Variants in MAP4K4 observed in about 807,000 individuals in gnomAD.
MAP4K4 encodes HPK/GCK-like kinase HGK.
MAP4K4 carries 38 observed loss-of-function variants against 189.6 expected under a neutral mutation model. The ratio of observed to expected loss-of-function variants is 0.20; its 90% CI spans 0.15 to 0.26. The LOEUF is 0.26. Ranked by LOEUF, MAP4K4 falls within the 10% of genes least tolerant of loss-of-function variation. MAP4K4 has a pLI of 1.00. For missense variants in MAP4K4, 1,054 were observed against 1,726.9 expected, an observed-to-expected ratio of 0.61 and a Z score of 6.91; for synonymous variants, 610 against 624.3, an observed-to-expected ratio of 0.98 and a Z score of 0.34.
chr2:101,854,911 C>A (rs1418778994), intron 12 of MAP4K4, among the ~76,000 whole-genome samples: 9 of 152,172 alleles, frequency 5.9e-5, no homozygotes, highest in Non-Finnish European at 1.0e-4. Context: ...AAATTAACTT[C>A]AGTGCAACAA....
chr2:101,845,318 G>A (rs751290588), intron 12 of MAP4K4, among the ~76,000 whole-genome samples: 11 of 152,186 alleles, frequency 7.2e-5, no homozygotes, highest in South Asian at 6.2e-4. Flanking sequence ...CATTAATATT[G>A]CTAACATTGG....
chr2:101,771,176 G>T (rs1482303604), intron 2 of MAP4K4, among the ~76,000 whole-genome samples: 1 of 152,208 alleles, frequency 6.6e-6, no homozygotes, highest in Non-Finnish European at 1.5e-5. Context: ...CCTAAGGTTG[G>T]GGGATGGTGG....
rs1332238270 is a variant in MAP4K4, at chr2:101,861,938, A to G, written c.1866+952A>G. 2.0e-5 allele frequency: 3 copies of G among 151,152 alleles called. No individual in the cohort carries two copies. The East Asian group carries it at 5.8e-4, about 29-fold the overall frequency. 9.4% of individuals were successfully genotyped at this position (151,152 alleles called of 1,614,324 possible). A position where few individuals can be genotyped will look rare whatever the true frequency, so the allele number is the denominator to read the frequency against. ...GGATCTGCAGCATGGAGGAGTTAAA[A>G]AAAAAAAAAAAAGGGCTGGGGCACA... On this transcript the variant is annotated intron_variant, in intron 16 of 32. Transcript: ENST00000324219.
chr2:101,765,961 AAAAAAAATT>A (rs1305390133), intron 2 of MAP4K4, among the ~76,000 whole-genome samples: 1 of 152,000 alleles, frequency 6.6e-6, no homozygotes, highest in Non-Finnish European at 1.5e-5. Context: ...TTTCATCTTT[AAAAAAAATT>A]AAAAAAATTA....
Position 101,873,773 on chromosome 2 carries a change from A to G in MAP4K4, c.3070+9A>G. 2 of 1,553,976 alleles carry G rather than the reference A, an allele frequency of 1.3e-6. No homozygotes were observed. Among genetic ancestry groups the G allele is most frequent in the Non-Finnish European group, 1.8e-6 (2 of 1,127,798 alleles). On this transcript the variant is annotated intron_variant, in intron 25 of 32. Transcript: ENST00000324219. ...AACAGTGACATCTGTGGGTAAGTACAGTAGCAACAAGAAAGCAGCTGACAA... is the reference window on the plus strand; with the variant it reads ...AACAGTGACATCTGTGGGTAAGTACGGTAGCAACAAGAAAGCAGCTGACAA...
chr2:101,729,254 C>CTTT (rs1553513024), intron 2 of MAP4K4, among the ~76,000 whole-genome samples: 1 of 151,494 alleles, frequency 6.6e-6, no homozygotes, highest in East Asian at 2.0e-4. Context: ...TGCTTACAGT[C>CTTT]TCTTTTATTT....
chr2:101,892,200 T>TTA (rs2098581225), exon 33 of MAP4K4: 1 of 152,526 alleles, frequency 6.6e-6, no homozygotes, highest in Admixed American at 6.5e-5. Context: ...CATGTTTATT[T>TTA]TTTTTTTGCC....
At chr2:101,702,489 A>C (rs2039447478) in intron 2 of MAP4K4, among the ~76,000 whole-genome samples, 1 of 152,094 alleles carries the variant, frequency 6.6e-6, no homozygotes, top group African/African-American at 2.4e-5. Flanking sequence ...GAGTCACTTG[A>C]ACCTGGGAAG....
chr2:101,885,337 A>C (rs917981922), intron 29 of MAP4K4, 50 bp downstream of exon 29: 4 of 1,076,030 alleles, frequency 3.7e-6, no homozygotes, highest in East Asian at 5.1e-5. Flanking sequence ...TCAAGCTGCA[A>C]CCAAGAGTCA....
Position 101,702,107 on chromosome 2 carries a change from C to T in MAP4K4, c.123+3569C>T, listed in dbSNP as rs151031525. 3.2e-3 allele frequency among the ~76,000 whole-genome samples: 482 copies of T among 152,250 alleles called. 2 individuals carry two copies. The highest frequency in any genetic ancestry group is 0.011 in the African/African-American group (464 of 41,556). On this transcript the variant is annotated intron_variant, in intron 2 of 32. Coordinates refer to ENST00000324219, the Ensembl canonical transcript of MAP4K4. ...AACTCCTGGCCTCAAGTGATCTGCA[C>T]GCCTTGGCCTCCCAAAATGCTGGGA...
intron 2 of MAP4K4, among the ~76,000 whole-genome samples, chr2:101,776,615 G>T (rs1028610204): frequency 8.8e-6 from 1 of 113,312 alleles, no homozygotes; most frequent in African/African-American, 3.6e-5. Flanking sequence ...AAAATGTTAG[G>T]TACAATTTAG....
At chr2:101,783,766 GC>G (rs1325591486) in intron 2 of MAP4K4, among the ~76,000 whole-genome samples, 1 of 152,178 alleles carries the variant, frequency 6.6e-6, no homozygotes. Context: ...ATGAGAAGCA[GC>G]CAGGTCTTCT....
chr2:101,891,196 A>G (rs1158525545), exon 33 of MAP4K4: 1 of 1,613,904 alleles, frequency 6.2e-7, no homozygotes, highest in Admixed American at 1.7e-5. Flanking sequence ...GTCTGGTGGC[A>G]GCAGTCAGGT....
intron 2 of MAP4K4, among the ~76,000 whole-genome samples, chr2:101,741,087 G>A (rs2062544104): frequency 1.3e-5 from 2 of 151,890 alleles, no homozygotes; most frequent in African/African-American, 4.8e-5. Flanking sequence ...GAGGACTCTT[G>A]GAGCACTACT....
chr2:101,813,901 G>T (rs999354801), intron 3 of MAP4K4, among the ~76,000 whole-genome samples: 4 of 152,148 alleles, frequency 2.6e-5, no homozygotes, highest in African/African-American at 9.7e-5. Flanking sequence ...TTTTCCATTG[G>T]GACTTTGAAG....
rs199996114 is a variant in MAP4K4 at position 101,869,631 on chromosome 2, G to T, written c.2473G>T (p.Ala825Ser). ...CTGTCCTTTGCTTTAGGATCTGACC[G>T]CACTGGCCAAAGAGCTTCGAGCAGT... is the stretch of plus-strand genomic sequence containing the variant. The change falls in exon 22 of 33, where the codon GCA (alanine) becomes TCA (serine). Residue 825 changes from alanine (A) to serine (S), a missense_variant. Ala to Ser is a moderately conservative substitution (Grantham distance 99). Transcript: ENST00000324219. The T allele has an allele frequency of 8.9e-5, 144 of 1,609,156 alleles. No homozygotes were observed. Among genetic ancestry groups the T allele is most frequent in the Non-Finnish European group, 1.9e-5 (22 of 1,177,612 alleles).
At chr2:101,752,910 T>C (rs1043206150) in intron 2 of MAP4K4, among the ~76,000 whole-genome samples, 2 of 152,188 alleles carry the variant, frequency 1.3e-5, no homozygotes, top group African/African-American at 2.4e-5. Flanking sequence ...AGGCTCCGAC[T>C]GTAGGGAGCA....
intron 2 of MAP4K4, among the ~76,000 whole-genome samples, chr2:101,766,881 G>C (rs1406776672): frequency 1.3e-5 from 2 of 152,202 alleles, no homozygotes; most frequent in African/African-American, 4.8e-5. Context: ...AACAAAAGCA[G>C]AGACTTACTG....
intron 18 of MAP4K4, among the ~76,000 whole-genome samples, chr2:101,865,526 A>G (rs1369143657): frequency 1.3e-5 from 2 of 152,202 alleles, no homozygotes; most frequent in Admixed American, 1.3e-4. Flanking sequence ...GCTTCCTTAT[A>G]TTTAAATTAA....
Sources: gnomAD v4.1 joint callset for allele counts (sites outside exome capture counted in the v4.1 genomes callset) on GRCh38, gnomAD v4.1.1 for gene constraint, MANE v1.5 for transcripts, NCBI Gene and HGNC (gene_info 2026-07-23, HGNC 2026-07-21) for gene names.